Variants in PDHX observed in about 807,000 individuals in gnomAD.
PDHX encodes the protein pyruvate dehydrogenase complex component X.
PDHX carries 33 observed loss-of-function variants against 55.3 expected under a neutral mutation model. The ratio of observed to expected loss-of-function variants is 0.60; its 90% confidence interval spans 0.45 to 0.80. The LOEUF (loss-of-function observed/expected upper bound fraction) is 0.80, where lower values mean the gene tolerates loss of function less well. PDHX is among the 30% of genes least tolerant of loss of function. The pLI is 0.00. For synonymous variants in PDHX, 226 were observed against 219.4 expected, an observed-to-expected ratio of 1.03 and a Z score of -0.27; for missense variants, 622 against 619.9, an observed-to-expected ratio of 1.00 and a Z score of -0.04.
At chr11:34,972,149 C>T (rs898228255) in intron 7 of PDHX, among the ~76,000 whole-genome samples, 6 of 151,476 alleles carry the variant, frequency 4.0e-5, no homozygotes, top group Admixed American at 1.3e-4. Context: ...CTGTTGATCT[C>T]GATCTCTTCA....
At chr11:34,929,426 G>A (rs1054264549) in intron 1 of PDHX, among the ~76,000 whole-genome samples, 13 of 152,206 alleles carry the variant, frequency 8.5e-5, no homozygotes, top group African/African-American at 3.1e-4. Context: ...GTGGGGTTTC[G>A]CCATGTTGGC....
chr11:34,942,404 C>A (rs1273738046), intron 2 of PDHX, among the ~76,000 whole-genome samples: 1 of 152,148 alleles, frequency 6.6e-6, no homozygotes, highest in East Asian at 1.9e-4. Flanking sequence ...ACTTCCAGCC[C>A]CATGACTTAA....
At chr11:34,955,590 A>C (rs1409545553) in intron 3 of PDHX, among the ~76,000 whole-genome samples, 2 of 152,202 alleles carry the variant, frequency 1.3e-5, no homozygotes, top group African/African-American at 2.4e-5. Context: ...ATAGTTAAAA[A>C]TAAATTTTAT....
At chr11:34,994,599 AT>A (rs1435105805) in intron 10 of PDHX, among the ~76,000 whole-genome samples, 1 of 152,204 alleles carries the variant, frequency 6.6e-6, no homozygotes, top group Non-Finnish European at 1.5e-5. Context: ...TTATAATCTT[AT>A]AAGACCACCG....
At chr11:34,959,952 C>T (rs753424994) in intron 4 of PDHX, among the ~76,000 whole-genome samples, 4 of 152,098 alleles carry the variant, frequency 2.6e-5, no homozygotes, top group Non-Finnish European at 5.9e-5. Context: ...GAAAGATGAA[C>T]ATTTCTGGAG....
At chr11:34,964,919 G>A (rs946178959) in intron 5 of PDHX, among the ~76,000 whole-genome samples, 3 of 148,656 alleles carry the variant, frequency 2.0e-5, no homozygotes, top group African/African-American at 5.2e-5. Flanking sequence ...TGCTAAAAAT[G>A]TGTCAATTTA....
At chr11:34,993,115 C>T (rs1855789645) in intron 10 of PDHX, among the ~76,000 whole-genome samples, 2 of 152,106 alleles carry the variant, frequency 1.3e-5, no homozygotes, top group Admixed American at 1.3e-4. Context: ...GTTTGGGTAT[C>T]TGGTAATTCA....
chr11:34,975,015 A>G (rs1188022085), intron 7 of PDHX, among the ~76,000 whole-genome samples: 1 of 152,130 alleles, frequency 6.6e-6, no homozygotes, highest in Non-Finnish European at 1.5e-5. Context: ...TATCTTTATC[A>G]TTTTTAAGAA....
In PDHX at chr11:34,970,212, C is replaced by T. The variant is rs777912667; in HGVS notation, c.890C>T (p.Thr297Ile). 1 of 1,612,448 alleles carries T rather than the reference C, an allele frequency of 6.2e-7. No homozygotes were observed. The highest frequency in any genetic ancestry group is 1.1e-5 in the South Asian group (1 of 91,056). The change falls in exon 7 of 11, where the codon ACT (threonine) becomes ATT (isoleucine). Residue 297 changes from threonine (T) to isoleucine (I), a missense_variant. Coordinates refer to ENST00000227868, the MANE Select transcript of PDHX (RefSeq NM_003477.3). ...IAKRLTESKS[T>I]VPHAYATADC... Reference sequence around the variant, plus strand: ...AAGAGATTAACTGAATCTAAAAGTACTGTACCTCATGCATATGCTACTGCT... The same window carrying T: ...AAGAGATTAACTGAATCTAAAAGTATTGTACCTCATGCATATGCTACTGCT...
intron 2 of PDHX, among the ~76,000 whole-genome samples, chr11:34,945,624 T>C (rs1375604073): frequency 2.0e-5 from 3 of 152,178 alleles, no homozygotes; most frequent in Non-Finnish European, 4.4e-5. Flanking sequence ...CTGTTTTTTT[T>C]CCCCTTTGAT....
In PDHX at chr11:34,947,565, A is replaced by G. The variant is rs11539202; in HGVS notation, c.301A>G (p.Thr101Ala). The change falls in exon 3 of 11, where the codon ACC becomes GCC. Residue 101 changes from threonine (T) to alanine (A), a missense_variant. By Grantham distance (58) the Thr-to-Ala change is moderately conservative. Coordinates refer to ENST00000227868, the MANE Select transcript of PDHX (RefSeq NM_003477.3). ...CEIETDKAVVTLDASDDGILA... is the reference protein window; with the variant it reads ...CEIETDKAVVALDASDDGILA... ...AATTGAGACTGACAAAGCTGTGGTT[A>G]CCTTAGATGCAAGTGATGATGGAAT... is the stretch of plus-strand genomic sequence containing the variant. 458,182 of 1,611,044 alleles carry G rather than the reference A, an allele frequency of 0.28. 72,791 individuals are homozygous for G. Among genetic ancestry groups the G allele is most frequent in the Non-Finnish European group, 0.33 (391,353 of 1,177,286 alleles).
Position 34,944,726 on chromosome 11 carries a change from G to A in PDHX, c.242-2780G>A, listed in dbSNP as rs758374948. 3.9e-5 allele frequency among the ~76,000 whole-genome samples: 6 copies of A among 151,956 alleles called. No homozygotes were observed. In the South Asian group the frequency reaches 1.2e-3, roughly 32 times the overall value. ...AATATTGCTATTCCAGCTATTTTTG[G>A]TGTGTGAGGAGGTGTATTTATATGT... On this transcript the variant is annotated intron_variant, in intron 2 of 10. Coordinates refer to ENST00000227868, the MANE Select transcript of PDHX (RefSeq NM_003477.3).
chr11:34,962,409 G>C (rs1372759380), intron 5 of PDHX, among the ~76,000 whole-genome samples: 2 of 152,152 alleles, frequency 1.3e-5, no homozygotes, highest in Non-Finnish European at 2.9e-5. Flanking sequence ...ATTTGGATCT[G>C]GTCTAGGTGA....
intron 1 of PDHX, among the ~76,000 whole-genome samples, chr11:34,918,586 G>A (rs1455586119): frequency 6.6e-6 from 1 of 152,176 alleles, no homozygotes; most frequent in Non-Finnish European, 1.5e-5. Context: ...GTCTACCCCA[G>A]TTTGAATACC....
intron 1 of PDHX, among the ~76,000 whole-genome samples, chr11:34,925,068 C>T (rs1184310408): frequency 2.6e-5 from 4 of 152,090 alleles, no homozygotes; most frequent in Non-Finnish European, 5.9e-5. Context: ...GTTATTGCTG[C>T]CCTTTAAATT....
intron 2 of PDHX, among the ~76,000 whole-genome samples, chr11:34,935,047 G>A (rs1403598119): frequency 6.6e-6 from 1 of 152,056 alleles, no homozygotes; most frequent in Non-Finnish European, 1.5e-5. Flanking sequence ...AGGGTAGGGA[G>A]GGGTATAACT....
intron 4 of PDHX, 42 bp downstream of exon 4, chr11:34,957,625 G>T: frequency 7.3e-7 from 1 of 1,370,628 alleles, no homozygotes; most frequent in Non-Finnish European, 1.0e-6. Flanking sequence ...AAAAAAAAAA[G>T]TTATGGCAGT....
chr11:34,964,847 T>C (rs963903127), intron 5 of PDHX, among the ~76,000 whole-genome samples: 3 of 128,868 alleles, frequency 2.3e-5, no homozygotes, highest in African/African-American at 1.2e-4. Flanking sequence ...AGCTAGCTAT[T>C]AGCATATTAT....
intron 5 of PDHX, among the ~76,000 whole-genome samples, chr11:34,964,166 G>A (rs1429650313): frequency 6.6e-6 from 1 of 152,142 alleles, no homozygotes; most frequent in East Asian, 1.9e-4. Flanking sequence ...AGCTTTTAAT[G>A]TCTACCTAAT....
Sources: gnomAD v4.1 joint callset for allele counts (sites outside exome capture counted in the v4.1 genomes callset) on GRCh38, gnomAD v4.1.1 for gene constraint, MANE v1.5 for transcripts, NCBI Gene and HGNC (gene_info 2026-07-23, HGNC 2026-07-21) for gene names.